SEMA6D: variants seen among roughly 807,000 people sequenced by gnomAD.
SEMA6D encodes the protein semaphorin 6D, also known as semaphorin-6D.
Under a neutral mutation model 106.6 loss-of-function variants are expected in SEMA6D, and 35 were observed. The observed-to-expected ratio is 0.33, with a 90% confidence interval of 0.25 to 0.44. The LOEUF (loss-of-function observed/expected upper bound fraction) is 0.44, where lower values mean the gene tolerates loss of function less well. Among genes scored for constraint, SEMA6D ranks in the 20% least tolerant of loss-of-function variants. SEMA6D has a pLI of 1.00. For missense variants in SEMA6D, 1,185 were observed against 1,345.9 expected, an observed-to-expected ratio of 0.88 and a Z score of 1.87; for synonymous variants, 499 against 487.7, an observed-to-expected ratio of 1.02 and a Z score of -0.31.
chr15:47,524,918 A>G (rs1464820308), intron 3 of SEMA6D, among the ~76,000 whole-genome samples: 1 of 152,168 alleles, frequency 6.6e-6, no homozygotes, highest in South Asian at 2.1e-4. Context: ...TAATGAGACA[A>G]AAAAAGGGTT....
chr15:47,479,249 T>A (rs185063268), intron 3 of SEMA6D, among the ~76,000 whole-genome samples: 1 of 152,182 alleles, frequency 6.6e-6, no homozygotes, highest in South Asian at 2.1e-4. Flanking sequence ...ATTTTTGAAA[T>A]CTTCCATGTC....
At chr15:47,186,149 A>G (rs537540005) in intron 1 of SEMA6D, among the ~76,000 whole-genome samples, 7 of 152,140 alleles carry the variant, frequency 4.6e-5, no homozygotes, top group Non-Finnish European at 8.8e-5. Flanking sequence ...AGTAGTTACT[A>G]ATGCACCCAA....
intron 4 of SEMA6D, among the ~76,000 whole-genome samples, chr15:47,617,607 G>T (rs572709046): frequency 1.3e-5 from 2 of 152,206 alleles, no homozygotes; most frequent in South Asian, 4.1e-4. Flanking sequence ...GAATGTTGTA[G>T]AACATTCTCT....
intron 4 of SEMA6D, among the ~76,000 whole-genome samples, chr15:47,623,032 C>G (rs1596469545): frequency 6.6e-6 from 1 of 152,274 alleles, no homozygotes; most frequent in East Asian, 1.9e-4. Context: ...TAGTGACAAC[C>G]CTCTTTCTTT....
chr15:47,348,673 TCACACA>T lies in SEMA6D; in HGVS notation c.-238-63680_-238-63675del, dbSNP rs71118173. On this transcript the variant is annotated intron_variant, in intron 1 of 19. Coordinates refer to the SEMA6D transcript ENST00000558014. ...CAGGCCACCTTGACTCAAGAGTACA[TCACACA>T]CACACACACACACACACACACACAC... Among the ~76,000 whole-genome samples the T allele has an allele frequency of 3.6e-3, 377 of 104,998 alleles. 8 individuals carry two copies. The highest frequency in any genetic ancestry group is 0.017 in the African/African-American group (347 of 20,362). The allele number at this position is 104,998 out of a possible 152,430, so 68.9% of individuals were successfully genotyped here.
At chr15:47,290,814 AC>A (rs1259413188) in intron 1 of SEMA6D, among the ~76,000 whole-genome samples, 3 of 152,200 alleles carry the variant, frequency 2.0e-5, no homozygotes, top group Non-Finnish European at 4.4e-5. Context: ...GACCGGAAAA[AC>A]AAAAACTTAA....
At chr15:47,208,456 G>A (rs565339114) in intron 1 of SEMA6D, among the ~76,000 whole-genome samples, 9 of 152,056 alleles carry the variant, frequency 5.9e-5, no homozygotes, top group East Asian at 1.9e-4. Context: ...TTTTTGAATC[G>A]TGTTTCAGAA....
chr15:47,195,647 T>C (rs1353883173), intron 1 of SEMA6D, among the ~76,000 whole-genome samples: 1 of 152,090 alleles, frequency 6.6e-6, no homozygotes, highest in African/African-American at 2.4e-5. Context: ...CGGGAGACTT[T>C]CCTAATGTCC....
At chr15:47,495,675 G>T (rs1301656248) in intron 3 of SEMA6D, among the ~76,000 whole-genome samples, 2 of 151,888 alleles carry the variant, frequency 1.3e-5, no homozygotes, top group Admixed American at 6.6e-5. Context: ...CTTCTAGCCT[G>T]GTTTGGCATA....
At chr15:47,593,259 G>A (rs898576872) in intron 3 of SEMA6D, among the ~76,000 whole-genome samples, 4 of 151,904 alleles carry the variant, frequency 2.6e-5, no homozygotes, top group Non-Finnish European at 5.9e-5. Context: ...AGAAAAATCA[G>A]CCAGCTGTGG....
intron 2 of SEMA6D, among the ~76,000 whole-genome samples, chr15:47,425,101 C>T (rs28529052): frequency 5.3e-5 from 8 of 152,178 alleles, no homozygotes; most frequent in African/African-American, 1.9e-4. Context: ...TCCAGGCCAT[C>T]TCCCGGAGCT....
In SEMA6D at chr15:47,771,411, A is replaced by G. The variant is rs2082621815; in HGVS notation, c.2848A>G (p.Thr950Ala). 1.2e-6 allele frequency: 2 copies of G among 1,613,762 alleles called. No homozygotes were observed. The highest frequency in any genetic ancestry group is 1.7e-6 in the Non-Finnish European group (2 of 1,179,938). ...AACCAAGCGAGTGGATGTCCCCACC[A>G]CTCCTGGAGTCCCAATGACTTCTCT... ...SPTKRVDVPT[T>A]PGVPMTSLER... The change falls in exon 19 of 19, where the codon ACT becomes GCT. Residue 950 changes from threonine (T) to alanine (A), a missense_variant. This residue lies in a region of SEMA6D where 750 missense variants were observed against 783.5 expected (regional missense o/e 0.96). Coordinates refer to ENST00000536845, the MANE Select transcript of SEMA6D (RefSeq NM_001358351.3).
intron 1 of SEMA6D, among the ~76,000 whole-genome samples, chr15:47,244,242 G>A (rs2033082501): frequency 1.3e-5 from 2 of 152,112 alleles, no homozygotes; most frequent in African/African-American, 2.4e-5. Context: ...ATGGACTTTA[G>A]AATCAGGTAG....
intron 1 of SEMA6D, among the ~76,000 whole-genome samples, chr15:47,254,476 G>A (rs1335250134): frequency 6.6e-6 from 1 of 151,830 alleles, no homozygotes; most frequent in African/African-American, 2.4e-5. Flanking sequence ...TTGAATGAAA[G>A]TGGTAAGAAT....
In SEMA6D at chr15:47,456,369, G is replaced by T. The variant is rs146999982; in HGVS notation, c.-158-14105G>T. Among the ~76,000 whole-genome samples the T allele has an allele frequency of 2.4e-3, 370 of 152,002 alleles. 3 individuals are homozygous for T. The highest frequency in any genetic ancestry group is 8.7e-3 in the African/African-American group (361 of 41,498). On this transcript the variant is annotated intron_variant, in intron 2 of 19. Coordinates refer to the SEMA6D transcript ENST00000558014. ...AACAGTCCTCCAATTATTAATGCAA[G>T]ATTCAAATCTAAGTAGTATTAGCAG...
At chr15:47,472,505 A>G (rs1596085226) in intron 3 of SEMA6D, among the ~76,000 whole-genome samples, 1 of 152,190 alleles carries the variant, frequency 6.6e-6, no homozygotes, top group Non-Finnish European at 1.5e-5. Context: ...AGGAATGTGG[A>G]TGCCTCCATG....
At chr15:47,664,310 T>G (rs2077983051) in intron 4 of SEMA6D, among the ~76,000 whole-genome samples, 1 of 152,172 alleles carries the variant, frequency 6.6e-6, no homozygotes. Flanking sequence ...TTTGGAAGAT[T>G]CCTCACCTAT....
At chr15:47,232,658 A>AT (rs1192730594) in intron 1 of SEMA6D, among the ~76,000 whole-genome samples, 4 of 151,458 alleles carry the variant, frequency 2.6e-5, no homozygotes, top group African/African-American at 7.3e-5. Flanking sequence ...TTTAAAATTT[A>AT]TTTTTTTCAC....
intron 1 of SEMA6D, among the ~76,000 whole-genome samples, chr15:47,378,204 G>A (rs114490233): frequency 1.3e-3 from 203 of 152,200 alleles, no homozygotes; most frequent in African/African-American, 4.6e-3. Context: ...TCTCAATGTT[G>A]AAGATTGAAA....
Sources: gnomAD v4.1 joint callset for allele counts (sites outside exome capture counted in the v4.1 genomes callset) on GRCh38, gnomAD v4.1.1 for gene constraint, gnomAD v4.1.1 regional missense constraint, MANE v1.5 for transcripts, NCBI Gene and HGNC (gene_info 2026-07-23, HGNC 2026-07-21) for gene names.